Variants in RHOU observed in about 807,000 individuals in gnomAD.
RHOU encodes the protein ras homolog family member U, also known as rho-related GTP-binding protein RhoU.
Under a neutral mutation model 12.6 loss-of-function variants are expected in RHOU, and 8 were observed. The ratio of observed to expected loss-of-function variants is 0.64; its 90% CI spans 0.37 to 1.15. The LOEUF (loss-of-function observed/expected upper bound fraction) is 1.15, where lower values mean the gene tolerates loss of function less well. RHOU is among the 50% of genes most tolerant of loss of function. The pLI is 0.01. For missense variants in RHOU, 258 were observed against 347.0 expected (o/e 0.74, Z 2.04); for synonymous variants, 161 against 147.4 (o/e 1.09, Z -0.67).
the RHOU span, among the ~76,000 whole-genome samples, chr1:228,724,117 C>T: frequency 1.3e-5 from 2 of 152,182 alleles, no homozygotes; most frequent in South Asian, 4.1e-4. Context: ...ACTGAAACAT[C>T]AGCTTCGTGG....
the RHOU span, among the ~76,000 whole-genome samples, chr1:228,652,178 G>A: frequency 3.8e-3 from 575 of 152,246 alleles, 5 homozygotes; most frequent in African/African-American, 0.013. Context: ...TCAAGGTGGC[G>A]GCACCAGGTG....
chr1:228,675,232 T>C, the RHOU span, among the ~76,000 whole-genome samples: 1 of 152,170 alleles, frequency 6.6e-6, no homozygotes. Context: ...ACAGATCAAG[T>C]GTGCATAGGA....
Position 228,735,679 on chromosome 1 carries a change from G to A in RHOU, c.-64G>A. The A allele has an allele frequency of 8.6e-7, 1 of 1,158,478 alleles. No individual in the cohort carries two copies. The highest frequency in any genetic ancestry group is 1.1e-6 in the Non-Finnish European group (1 of 936,496). The allele number at this position is 1,158,478 out of a possible 1,614,324, so 71.8% of individuals were successfully genotyped here. ...AGCTCCTCCCTACCGCAACCCTCCG[G>A]GGCGGAGGGGCGGTCGGGCCGGGCC... On this transcript the variant is annotated 5_prime_UTR_variant, in exon 1 of 3. Transcript: ENST00000366691. This position sits in a 1 kb window ranked among gnomAD's most constrained non-coding sequence, Gnocchi z 8.1.
At chr1:228,705,999 T>G in the RHOU span, among the ~76,000 whole-genome samples, 1 of 152,008 alleles carries the variant, frequency 6.6e-6, no homozygotes, top group Non-Finnish European at 1.5e-5. Flanking sequence ...GAGTCGAGAT[T>G]GCACCATTGA....
intron 2 of RHOU, among the ~76,000 whole-genome samples, chr1:228,741,031 C>T (rs769221243): frequency 9.2e-5 from 14 of 151,964 alleles, no homozygotes; most frequent in Non-Finnish European, 1.9e-4. Context: ...TGGAGAGTTG[C>T]CAATAGAAGC....
the RHOU span, among the ~76,000 whole-genome samples, chr1:228,699,073 G>A: frequency 0.029 from 4,445 of 151,498 alleles, 207 homozygotes; most frequent in African/African-American, 0.1. Context: ...CTCAGTCGGT[G>A]GGCTATGAAA....
rs1284878367 is a variant in RHOU at position 228,744,886 on chromosome 1, C to G, written c.*1146C>G. 1 of 152,140 alleles carries G rather than the reference C, an allele frequency of 6.6e-6. No individual in the cohort carries two copies. Among genetic ancestry groups the G allele is most frequent in the African/African-American group, 2.4e-5 (1 of 41,426 alleles). The allele number at this position is 152,140 out of a possible 1,614,324, so 9.4% of individuals were successfully genotyped here. ...GCTTGGCTTCCTCTTCTTGTTGACC[C>G]TTTTTTGAACCAACATCTTTTTTAT... On this transcript the variant is annotated 3_prime_UTR_variant, in exon 3 of 3. Transcript: ENST00000366691.
the RHOU span, among the ~76,000 whole-genome samples, chr1:228,668,894 C>G: frequency 2.3e-3 from 355 of 152,294 alleles, 2 homozygotes; most frequent in Middle Eastern, 0.024. Flanking sequence ...TCTGTCCTAT[C>G]GCAGACATGA....
At chr1:228,648,721 A>T in the RHOU span, among the ~76,000 whole-genome samples, 272 of 151,890 alleles carry the variant, frequency 1.8e-3, no homozygotes, top group African/African-American at 3.2e-3. Flanking sequence ...TCTTTTTTTT[A>T]AAATTTTTAT....
At chr1:228,685,248 T>C in the RHOU span, among the ~76,000 whole-genome samples, 1 of 152,218 alleles carries the variant, frequency 6.6e-6, no homozygotes, top group Non-Finnish European at 1.5e-5. Context: ...CTGTATCTTG[T>C]GCTGACTTCT....
the RHOU span, among the ~76,000 whole-genome samples, chr1:228,698,528 T>G: frequency 3.3e-5 from 5 of 152,256 alleles, no homozygotes; most frequent in Non-Finnish European, 5.9e-5. Context: ...TTTAAAGAAG[T>G]CTGTTGTGTA....
At chr1:228,704,099 T>C in the RHOU span, among the ~76,000 whole-genome samples, 5 of 152,210 alleles carry the variant, frequency 3.3e-5, no homozygotes, top group Admixed American at 2.0e-4. Context: ...AGCCAGACTA[T>C]ATTTTGTATC....
the RHOU span, among the ~76,000 whole-genome samples, chr1:228,694,314 C>T: frequency 6.6e-6 from 1 of 152,080 alleles, no homozygotes; most frequent in Non-Finnish European, 1.5e-5. Context: ...TTTAGTCTTG[C>T]TTATTTTTTT....
the RHOU span, among the ~76,000 whole-genome samples, chr1:228,711,266 T>A: frequency 6.6e-6 from 1 of 151,974 alleles, no homozygotes; most frequent in African/African-American, 2.4e-5. Flanking sequence ...GCCATCCCCA[T>A]CAAGCTACCA....
At chr1:228,711,782 T>C in the RHOU span, among the ~76,000 whole-genome samples, 2 of 147,956 alleles carry the variant, frequency 1.4e-5, no homozygotes, top group African/African-American at 5.0e-5. Context: ...CCAAAAGCAA[T>C]GGCAACAAAA....
chr1:228,684,107 G>A, the RHOU span, among the ~76,000 whole-genome samples: 201 of 151,998 alleles, frequency 1.3e-3, no homozygotes, highest in South Asian at 2.5e-3. Flanking sequence ...GCATGATCTC[G>A]GCTCACTGCA....
At chr1:228,713,626 C>A in the RHOU span, among the ~76,000 whole-genome samples, 62 of 152,262 alleles carry the variant, frequency 4.1e-4, 2 homozygotes, top group East Asian at 0.012. Flanking sequence ...AGCCACCACG[C>A]CCAGCCTGTA....
chr1:228,707,748 T>C, the RHOU span, among the ~76,000 whole-genome samples: 6 of 151,790 alleles, frequency 4.0e-5, no homozygotes, highest in East Asian at 1.9e-4. Flanking sequence ...AAAAGCAGAG[T>C]GCCTCTCCTC....
the RHOU span, among the ~76,000 whole-genome samples, chr1:228,675,641 GT>G: frequency 2.6e-5 from 4 of 152,264 alleles, no homozygotes; most frequent in East Asian, 7.7e-4. Context: ...AGAATTTGAT[GT>G]TTTTAAAAGG....
Sources: allele counts gnomAD v4.1 joint callset (sites outside exome capture counted in the v4.1 genomes callset), GRCh38; gene constraint gnomAD v4.1.1; non-coding constraint Gnocchi (gnomAD v3.1); transcripts MANE v1.5; gene names NCBI Gene and HGNC (gene_info 2026-07-23, HGNC 2026-07-21).